The following LMNTD1 variants were observed in gnomAD, a reference collection of about 807,000 sequenced individuals.
LMNTD1 encodes lamin tail domain-containing protein 1.
In LMNTD1, 35 loss-of-function variants were observed where a neutral mutation model predicts 50.9. The ratio of observed to expected loss-of-function variants is 0.69; its 90% CI spans 0.53 to 0.91. The LOEUF is 0.91. Among genes scored for constraint, LMNTD1 ranks in the 40% least tolerant of loss-of-function variants. The pLI is 0.00. For missense variants in LMNTD1, 470 were observed against 475.5 expected, an observed-to-expected ratio of 0.99 and a Z score of 0.11; for synonymous variants, 153 against 161.9, an observed-to-expected ratio of 0.94 and a Z score of 0.42.
chr12:25,614,372 A>G (rs1946309826), intron 1 of LMNTD1, among the ~76,000 whole-genome samples: 1 of 151,914 alleles, frequency 6.6e-6, no homozygotes, highest in Non-Finnish European at 1.5e-5. Flanking sequence ...CTACAACCCA[A>G]ATCCTCAATT....
intron 1 of LMNTD1, among the ~76,000 whole-genome samples, chr12:25,631,098 C>T (rs1228937810): frequency 6.6e-6 from 1 of 152,130 alleles, no homozygotes; most frequent in Non-Finnish European, 1.5e-5. Flanking sequence ...AGGAACATAA[C>T]TCCATTGGCC....
chr12:25,619,095 T>C (rs1946406905), intron 1 of LMNTD1, among the ~76,000 whole-genome samples: 1 of 152,270 alleles, frequency 6.6e-6, no homozygotes, highest in South Asian at 2.1e-4. Flanking sequence ...TCAATTTCTT[T>C]ACTGTTAAAA....
At chr12:25,501,714 A>G (rs868128900) in intron 9 of LMNTD1, among the ~76,000 whole-genome samples, 6 of 152,184 alleles carry the variant, frequency 3.9e-5, no homozygotes, top group Non-Finnish European at 7.4e-5. Flanking sequence ...ATGAAATGCT[A>G]TCCAAATGTC....
intron 1 of LMNTD1, among the ~76,000 whole-genome samples, chr12:25,565,961 C>CCAGG (rs1944540752): frequency 6.6e-6 from 1 of 152,088 alleles, no homozygotes; most frequent in African/African-American, 2.4e-5. Context: ...AAGTCTGCTG[C>CCAGG]CAGGCATATT....
intron 6 of LMNTD1, among the ~76,000 whole-genome samples, chr12:25,525,069 T>G (rs1316672509): frequency 6.6e-6 from 1 of 152,184 alleles, no homozygotes; most frequent in Non-Finnish European, 1.5e-5. Context: ...CATAGTAAGT[T>G]AGACTGAGGG....
intron 1 of LMNTD1, among the ~76,000 whole-genome samples, chr12:25,616,874 G>T (rs1278600227): frequency 3.9e-5 from 6 of 152,184 alleles, no homozygotes; most frequent in Non-Finnish European, 1.5e-5. Flanking sequence ...GGGGCACAAG[G>T]TGATTCTTTG....
intron 4 of LMNTD1, among the ~76,000 whole-genome samples, chr12:25,537,465 T>C (rs1942690201): frequency 6.6e-6 from 1 of 152,178 alleles, no homozygotes; most frequent in Non-Finnish European, 1.5e-5. Flanking sequence ...AGGGGCACAC[T>C]GACACCTCAC....
chr12:25,499,528 C>T (rs1172859007), intron 9 of LMNTD1, among the ~76,000 whole-genome samples: 3 of 152,002 alleles, frequency 2.0e-5, no homozygotes, highest in Non-Finnish European at 4.4e-5. Flanking sequence ...ATTTCATTAT[C>T]TGGGTATGGA....
At position 25,520,040 on chromosome 12, in the gene LMNTD1, T is replaced by C; in HGVS notation, c.834A>G (p.Gln278=). 1.2e-6 allele frequency: 2 copies of C among 1,612,924 alleles called. No individual in the cohort carries two copies. Among genetic ancestry groups the C allele is most frequent in the Non-Finnish European group, 1.7e-6 (2 of 1,179,548 alleles). Residue 278 remains glutamine, a synonymous_variant, in exon 7 of 10, where the codon CAA becomes CAG. Transcript: ENST00000458174. Reference sequence around the variant, plus strand: ...CGTCAGCATCTAATTTTTCCCACGCTTGCTTCCAGTGGATAGGGGTGTACC... The same window carrying C: ...CGTCAGCATCTAATTTTTCCCACGCCTGCTTCCAGTGGATAGGGGTGTACC... ...IAWYTPIHWK[Q]AWEKLDADVE...
chr12:25,641,771 G>T (rs1946963151), intron 1 of LMNTD1, among the ~76,000 whole-genome samples: 1 of 151,952 alleles, frequency 6.6e-6, no homozygotes, highest in Non-Finnish European at 1.5e-5. Context: ...TAATATAAGA[G>T]ATGCACAATT....
intron 9 of LMNTD1, among the ~76,000 whole-genome samples, chr12:25,489,188 T>C (rs1250044207): frequency 6.6e-6 from 1 of 151,994 alleles, no homozygotes; most frequent in East Asian, 1.9e-4. Context: ...TTTGTTTACC[T>C]AAGCAAGCCT....
At chr12:25,548,203 A>AG (rs955925273) in intron 3 of LMNTD1, among the ~76,000 whole-genome samples, 36 of 151,218 alleles carry the variant, frequency 2.4e-4, no homozygotes, top group African/African-American at 8.8e-4. Flanking sequence ...TAATGGCAGG[A>AG]GAAAAAAAAA....
chr12:25,621,988 A>G (rs950720119), intron 1 of LMNTD1, among the ~76,000 whole-genome samples: 6 of 152,234 alleles, frequency 3.9e-5, no homozygotes, highest in African/African-American at 1.4e-4. Flanking sequence ...GCCAGAGGCA[A>G]GTGGGTTGGA....
chr12:25,482,907 G>T (rs549240332), intron 9 of LMNTD1, among the ~76,000 whole-genome samples: 2 of 152,060 alleles, frequency 1.3e-5, no homozygotes, highest in Non-Finnish European at 2.9e-5. Flanking sequence ...AGTGCACTTT[G>T]GAGCGTGTGT....
chr12:25,511,530 T>C lies in LMNTD1; in HGVS notation c.1189+7265A>G, dbSNP rs1423213938. On this transcript the variant is annotated intron_variant, in intron 8 of 9. Transcript: ENST00000458174. Reference sequence around the variant, plus strand: ...AGTAATTAGCCTCATAAATCAGAAGTTCAGAATAGAATGTTGGGCTGGAGA... The same window carrying C: ...AGTAATTAGCCTCATAAATCAGAAGCTCAGAATAGAATGTTGGGCTGGAGA... Among the ~76,000 whole-genome samples, 3 of 152,178 alleles carry C rather than the reference T, an allele frequency of 2.0e-5. No homozygotes were observed. In the East Asian group the frequency reaches 5.8e-4, roughly 29 times the overall value.
intron 6 of LMNTD1, among the ~76,000 whole-genome samples, chr12:25,524,572 T>C (rs1201004497): frequency 6.6e-6 from 1 of 152,230 alleles, no homozygotes; most frequent in Non-Finnish European, 1.5e-5. Context: ...TCTGGTTCAA[T>C]GCTCAGTGCC....
At chr12:25,575,488 A>G (rs961475781) in intron 1 of LMNTD1, among the ~76,000 whole-genome samples, 1 of 152,182 alleles carries the variant, frequency 6.6e-6, no homozygotes. Flanking sequence ...ATGCATCCCA[A>G]TGTCAGAGGT....
chr12:25,497,035 ACTT>A (rs1479219852), intron 9 of LMNTD1, among the ~76,000 whole-genome samples: 3 of 152,148 alleles, frequency 2.0e-5, no homozygotes, highest in Non-Finnish European at 4.4e-5. Flanking sequence ...ATGTATTAGA[ACTT>A]CATTTTTTTA....
chr12:25,594,649 T>TA (rs1754233631), intron 1 of LMNTD1, among the ~76,000 whole-genome samples: 2 of 15,398 alleles, frequency 1.3e-4, no homozygotes, highest in African/African-American at 4.9e-4. Context: ...AAAACAGAAA[T>TA]ACAAAAAAAA....
Sources: allele counts gnomAD v4.1 joint callset (sites outside exome capture counted in the v4.1 genomes callset), GRCh38; gene constraint gnomAD v4.1.1; transcripts MANE v1.5; gene names NCBI Gene and HGNC (gene_info 2026-07-23, HGNC 2026-07-21).